RAB11FIP3: variants seen among roughly 807,000 people sequenced by gnomAD.
RAB11FIP3 encodes the protein RAB11 family interacting protein 3.
In RAB11FIP3, 17 loss-of-function variants were observed where a neutral mutation model predicts 77.8. The ratio of observed to expected loss-of-function variants is 0.22; its 90% confidence interval spans 0.15 to 0.33. The LOEUF is 0.33. RAB11FIP3 is among the 10% of genes least tolerant of loss of function. The probability of loss-of-function intolerance (pLI) is 1.00; values close to 1 mark genes in which losing one functional copy is unlikely to be tolerated. For synonymous variants in RAB11FIP3, 437 were observed against 448.2 expected, an observed-to-expected ratio of 0.98 and a Z score of 0.31; for missense variants, 1,005 against 1,011.2, an observed-to-expected ratio of 0.99 and a Z score of 0.08.
intron 1 of RAB11FIP3, among the ~76,000 whole-genome samples, chr16:432,195 G>A (rs2141841402): frequency 1.3e-5 from 2 of 152,252 alleles, no homozygotes; most frequent in East Asian, 3.9e-4. Flanking sequence ...TGGCCAACAT[G>A]GTGAAACCCC....
chr16:465,734 C>G (rs1035614542), intron 2 of RAB11FIP3, among the ~76,000 whole-genome samples: 2 of 152,076 alleles, frequency 1.3e-5, no homozygotes, highest in African/African-American at 2.4e-5. Flanking sequence ...CTCAGCCTCC[C>G]GAGTAGCTGA....
At position 426,582 on chromosome 16, in the gene RAB11FIP3, C is replaced by T. The variant is rs529816965; in HGVS notation, c.576C>T (p.Pro192=). The T allele has an allele frequency of 4.4e-6, 7 of 1,598,024 alleles. No homozygotes were observed. Among genetic ancestry groups the T allele is most frequent in the African/African-American group, 1.3e-5 (1 of 74,112 alleles). ...CCTCGGACCTCAGCCAGACCCACCCCCTTCCGAGCGAGCCCGTGGGGAGTC... is the reference window on the plus strand; with the variant it reads ...CCTCGGACCTCAGCCAGACCCACCCTCTTCCGAGCGAGCCCGTGGGGAGTC... ...PQPSDLSQTH[P]LPSEPVGSQE... Residue 192 remains proline (P), a synonymous_variant, in exon 1 of 14, where the codon CCC becomes CCT. Transcript: ENST00000262305. This position sits in a 1 kb window ranked among gnomAD's most constrained non-coding sequence, Gnocchi z 5.0.
In RAB11FIP3 at chr16:482,518, C is replaced by T. The variant is rs758001874; in HGVS notation, c.904-7C>T. 6.2e-6 allele frequency: 10 copies of T among 1,613,240 alleles called. No individual in the cohort carries two copies. Among genetic ancestry groups the T allele is most frequent in the Non-Finnish European group, 8.5e-6 (10 of 1,179,984 alleles). On this transcript the variant is annotated splice_region_variant and splice_polypyrimidine_tract_variant and intron_variant, in intron 3 of 13. Coordinates refer to ENST00000262305, the MANE Select transcript of RAB11FIP3 (RefSeq NM_014700.4). Reference sequence around the variant, plus strand: ...TGCCCGCTGACTGCTGGCGCACTCTCTCCTAGGCCAACGAGGTGACGGACA... The same window carrying T: ...TGCCCGCTGACTGCTGGCGCACTCTTTCCTAGGCCAACGAGGTGACGGACA...
In RAB11FIP3 at chr16:520,768, C is replaced by T; in HGVS notation, c.2200C>T (p.Leu734=). ...GAAGCAGGAGGAGATCAACTTCCGC[C>T]TGCAGGACTACATCGACAGGATCAT... is the stretch of plus-strand genomic sequence containing the variant. ...IQKQEEINFR[L]QDYIDRIIVA... Residue 734 remains leucine, a synonymous_variant, in exon 14 of 14, where the codon CTG becomes TTG. Coordinates refer to ENST00000262305, the MANE Select transcript of RAB11FIP3 (RefSeq NM_014700.4). 1.2e-6 allele frequency: 2 copies of T among 1,613,840 alleles called. No homozygotes were observed. Among genetic ancestry groups the T allele is most frequent in the Middle Eastern group, 1.6e-4 (1 of 6,062 alleles).
chr16:468,382 T>A (rs999899707), intron 2 of RAB11FIP3, among the ~76,000 whole-genome samples: 1 of 151,574 alleles, frequency 6.6e-6, no homozygotes, highest in Admixed American at 6.6e-5. Context: ...TCTGCTTTAC[T>A]TTTGAGTAAT....
intron 2 of RAB11FIP3, among the ~76,000 whole-genome samples, chr16:468,766 C>A (rs551279261): frequency 6.6e-6 from 1 of 152,270 alleles, no homozygotes; most frequent in East Asian, 1.9e-4. Flanking sequence ...ATAAGGGAAA[C>A]GCACGTGAAA....
chr16:509,535 A>G (rs765196753), intron 8 of RAB11FIP3, among the ~76,000 whole-genome samples: 2 of 152,236 alleles, frequency 1.3e-5, no homozygotes, highest in Non-Finnish European at 2.9e-5. Context: ...GTCAGTGGGC[A>G]GGGCCTGTGC....
chr16:445,905 G>A (rs1158933619), intron 1 of RAB11FIP3, among the ~76,000 whole-genome samples: 1 of 152,186 alleles, frequency 6.6e-6, no homozygotes, highest in Admixed American at 6.5e-5. Flanking sequence ...GCAGCCTCCA[G>A]GTACAGGTGT....
At position 508,466 on chromosome 16, in the gene RAB11FIP3, C is replaced by T. The variant is rs200257040; in HGVS notation, c.1500-2194C>T. On this transcript the variant is annotated intron_variant, in intron 8 of 13. Coordinates refer to ENST00000262305, the MANE Select transcript of RAB11FIP3 (RefSeq NM_014700.4). Reference sequence around the variant, plus strand: ...TCCGCTCACGGCAACCTCCGCCTCCCGGGTTCAAGTGATTCTCCTGCCTCA... The same window carrying T: ...TCCGCTCACGGCAACCTCCGCCTCCTGGGTTCAAGTGATTCTCCTGCCTCA... Among the ~76,000 whole-genome samples the T allele has an allele frequency of 7.2e-5, 11 of 152,324 alleles. No individual in the cohort carries two copies. In the East Asian group the frequency reaches 1.2e-3, roughly 16 times the overall value.
At position 439,675 on chromosome 16, in the gene RAB11FIP3, C is replaced by T. The variant is rs186933624; in HGVS notation, c.714+12955C>T. On this transcript the variant is annotated intron_variant, in intron 1 of 13. Transcript: ENST00000262305. ...TCCTGATGACATGTGCCCAAGGTGA[C>T]TGGGGCACAGCTTGGTTTTATGCAT... 1.4e-4 allele frequency among the ~76,000 whole-genome samples: 22 copies of T among 152,176 alleles called. No individual in the cohort carries two copies. The East Asian group carries it at 4.3e-3, about 29-fold the overall frequency.
At chr16:494,450 A>C (rs1260034307) in intron 5 of RAB11FIP3, among the ~76,000 whole-genome samples, 1 of 151,208 alleles carries the variant, frequency 6.6e-6, no homozygotes, top group African/African-American at 2.4e-5. Context: ...GTGAAACCCC[A>C]TCTCTACTAA....
chr16:520,432 C>G, intron 12 of RAB11FIP3, 27 bp from the exon 13 acceptor site: 1 of 1,612,274 alleles, frequency 6.2e-7, no homozygotes, highest in South Asian at 1.1e-5. Context: ...GGGCCACAGC[C>G]CAGTAGTGAT....
In RAB11FIP3 at chr16:506,056, C is replaced by T. The variant is rs562722416; in HGVS notation, c.1499+429C>T. Among the ~76,000 whole-genome samples the T allele has an allele frequency of 3.3e-5, 5 of 152,224 alleles. No individual in the cohort carries two copies. Among genetic ancestry groups the T allele is most frequent in the Non-Finnish European group, 5.9e-5 (4 of 68,032 alleles). ...AGAGAAGTCGCTCAGCAGCAGAAAGCGAAATGAGCAGTGACTGCTGAGTAC... is the reference window on the plus strand; with the variant it reads ...AGAGAAGTCGCTCAGCAGCAGAAAGTGAAATGAGCAGTGACTGCTGAGTAC... On this transcript the variant is annotated intron_variant, in intron 8 of 13. Coordinates refer to ENST00000262305, the MANE Select transcript of RAB11FIP3 (RefSeq NM_014700.4). The surrounding 1 kb of genome is among the most constrained non-coding windows in gnomAD (Gnocchi z 4.5).
chr16:492,019 G>A (rs2030244971), intron 5 of RAB11FIP3, among the ~76,000 whole-genome samples: 1 of 152,184 alleles, frequency 6.6e-6, no homozygotes. Flanking sequence ...AGAAAGGTGA[G>A]TTATCCTGAC....
intron 4 of RAB11FIP3, among the ~76,000 whole-genome samples, chr16:486,859 A>G (rs1351879822): frequency 6.6e-6 from 1 of 152,240 alleles, no homozygotes; most frequent in Non-Finnish European, 1.5e-5. Context: ...CCGATGGACC[A>G]GTGTGTGTTT....
At chr16:458,532 A>AGTGATGCTCACAGGG (rs2055544277) in intron 1 of RAB11FIP3, among the ~76,000 whole-genome samples, 1 of 135,526 alleles carries the variant, frequency 7.4e-6, no homozygotes, top group Admixed American at 7.4e-5. Flanking sequence ...CCTCGGGTTC[A>AGTGATGCTCACAGGG]CCGATGCCCA....
intron 5 of RAB11FIP3, among the ~76,000 whole-genome samples, chr16:493,386 A>C (rs760696397): frequency 1.4e-4 from 22 of 152,208 alleles, no homozygotes; most frequent in Admixed American, 3.3e-4. Flanking sequence ...CTTGCGTTTT[A>C]GTTTCCATGG....
At chr16:469,099 G>T (rs1431667051) in intron 2 of RAB11FIP3, among the ~76,000 whole-genome samples, 1 of 151,724 alleles carries the variant, frequency 6.6e-6, no homozygotes. Flanking sequence ...ACAGACTCTC[G>T]CTGTAGCCCA....
At chr16:434,738 C>T (rs2055099639) in intron 1 of RAB11FIP3, among the ~76,000 whole-genome samples, 2 of 151,910 alleles carry the variant, frequency 1.3e-5, no homozygotes, top group African/African-American at 4.8e-5. Context: ...TAATGGAAAC[C>T]TAAGGTTTAC....
Sources: gnomAD v4.1 joint callset for allele counts (sites outside exome capture counted in the v4.1 genomes callset) on GRCh38, gnomAD v4.1.1 for gene constraint, Gnocchi (gnomAD v3.1) non-coding constraint, MANE v1.5 for transcripts, NCBI Gene and HGNC (gene_info 2026-07-23, HGNC 2026-07-21) for gene names.